The following NAALADL2 variants were observed in gnomAD, a reference collection of about 807,000 sequenced individuals.
NAALADL2 encodes inactive N-acetylated-alpha-linked acidic dipeptidase-like protein 2.
In NAALADL2, 76 loss-of-function variants were observed where a neutral mutation model predicts 87.2. The observed-to-expected ratio is 0.87, with a 90% CI of 0.72 to 1.05. The LOEUF (loss-of-function observed/expected upper bound fraction) is 1.05, where lower values mean the gene tolerates loss of function less well. Ranked by LOEUF, NAALADL2 falls within the 50% of genes least tolerant of loss-of-function variation. NAALADL2 has a pLI of 0.00. For missense variants in NAALADL2, 1,089 were observed against 945.8 expected, an observed-to-expected ratio of 1.15 and a Z score of -1.99; for synonymous variants, 354 against 331.0, an observed-to-expected ratio of 1.07 and a Z score of -0.75.
intron 1 of NAALADL2, among the ~76,000 whole-genome samples, chr3:174,940,035 A>G (rs1458202625): frequency 1.3e-5 from 2 of 152,052 alleles, no homozygotes; most frequent in Non-Finnish European, 2.9e-5. Context: ...AGGAGTCCTA[A>G]TACTATGTTG....
At chr3:174,797,305 C>CTTTTTTTTTTTTTT (rs1160338109) in intron 3 of NAALADL2, among the ~76,000 whole-genome samples, 7 of 72,720 alleles carry the variant, frequency 9.6e-5, no homozygotes, top group African/African-American at 3.5e-4. Flanking sequence ...TTTCTTTTTT[C>CTTTTTTTTTTTTTT]TTTTTTTTTT....
At chr3:175,293,814 T>C (rs1395233173) in intron 4 of NAALADL2, among the ~76,000 whole-genome samples, 1 of 152,250 alleles carries the variant, frequency 6.6e-6, no homozygotes, top group Non-Finnish European at 1.5e-5. Flanking sequence ...TAGATTGTTA[T>C]TGTTTATAAA....
At chr3:174,656,676 T>G (rs494069) in intron 2 of NAALADL2, among the ~76,000 whole-genome samples, 45,543 of 152,078 alleles carry the variant, frequency 0.3, 8,108 homozygotes, top group Middle Eastern at 0.42. Flanking sequence ...GCTAAAATTA[T>G]TATTTAAAAC....
intron 1 of NAALADL2, among the ~76,000 whole-genome samples, chr3:174,533,052 T>G (rs976587231): frequency 6.7e-6 from 1 of 148,606 alleles, no homozygotes. Flanking sequence ...TCTAGCTCAT[T>G]ACAGACACCC....
At chr3:175,013,104 A>G (rs368519433) in intron 1 of NAALADL2, among the ~76,000 whole-genome samples, 6,173 of 21,706 alleles carry the variant, frequency 0.28, 223 homozygotes, top group South Asian at 0.33. Flanking sequence ...ATAAATATAC[A>G]TATTTATATA....
At chr3:175,355,022 ATGTGTGTGTGTGTGTGTGTG>A (rs3067322) in intron 5 of NAALADL2, among the ~76,000 whole-genome samples, 3 of 139,438 alleles carry the variant, frequency 2.2e-5, no homozygotes, top group South Asian at 2.3e-4. Flanking sequence ...CTATATATAT[ATGTGTGTGTGTGTGTGTGTG>A]TGTGTGTGTG....
intron 2 of NAALADL2, among the ~76,000 whole-genome samples, chr3:175,126,111 T>C (rs760806808): frequency 3.3e-5 from 5 of 152,014 alleles, no homozygotes; most frequent in Non-Finnish European, 7.4e-5. Flanking sequence ...TGAGTGTATG[T>C]GTATGGGAGA....
chr3:174,502,343 TAC>T (rs1718951435), intron 1 of NAALADL2, among the ~76,000 whole-genome samples: 1 of 152,230 alleles, frequency 6.6e-6, no homozygotes, highest in Non-Finnish European at 1.5e-5. Context: ...ACTTCAAATT[TAC>T]ATTCGTGTGA....
At position 175,263,719 on chromosome 3, in the gene NAALADL2, AAG is replaced by A. The variant is rs541603071; in HGVS notation, c.939+7199_939+7200del. ...AATTAAACAAAGTAAAATAGCAAGG[AAG>A]AGAGAGAGAAAACAGTGATGGAGAG... On this transcript the variant is annotated intron_variant, in intron 4 of 13. Transcript: ENST00000454872. 1.4e-4 allele frequency among the ~76,000 whole-genome samples: 21 copies of A among 151,878 alleles called. No homozygotes were observed. In the South Asian group the frequency reaches 3.9e-3, roughly 28 times the overall value.
chr3:175,767,603 G>A (rs1748892605), intron 13 of NAALADL2: 1 of 152,118 alleles, frequency 6.6e-6, no homozygotes. Flanking sequence ...ATGATACAGA[G>A]ATTAGCATGG....
intron 10 of NAALADL2, among the ~76,000 whole-genome samples, chr3:175,621,151 A>C (rs1419758213): frequency 6.6e-6 from 1 of 152,190 alleles, no homozygotes; most frequent in East Asian, 1.9e-4. Flanking sequence ...TTCCGGCTTT[A>C]AACGGTCTTT....
chr3:174,784,118 T>G (rs1300988501), intron 3 of NAALADL2, among the ~76,000 whole-genome samples: 2 of 152,232 alleles, frequency 1.3e-5, no homozygotes, highest in African/African-American at 4.8e-5. Context: ...ACTGCGCATC[T>G]AATCATTTTC....
intron 1 of NAALADL2, among the ~76,000 whole-genome samples, chr3:174,522,241 G>A (rs1475502411): frequency 6.6e-6 from 1 of 152,204 alleles, no homozygotes; most frequent in Non-Finnish European, 1.5e-5. Context: ...AATGGACTGA[G>A]TGTTTTATGT....
In NAALADL2 at chr3:175,547,785, C is replaced by T. The variant is rs560606451; in HGVS notation, c.1654-28256C>T. Among the ~76,000 whole-genome samples, 4 of 146,136 alleles carry T rather than the reference C, an allele frequency of 2.7e-5. No homozygotes were observed. The South Asian group carries it at 7.0e-4, about 26-fold the overall frequency. ...CAAAAGAAGACATACATGTGACCAA[C>T]AATCATATGAAAAAAAGCTCAACAT... On this transcript the variant is annotated intron_variant, in intron 9 of 13. Coordinates refer to ENST00000454872, the MANE Select transcript of NAALADL2 (RefSeq NM_207015.3).
Position 174,624,610 on chromosome 3 carries a change from C to A in NAALADL2, c.-115+73973C>A, listed in dbSNP as rs572418527. 3.8e-5 allele frequency among the ~76,000 whole-genome samples: 5 copies of A among 130,604 alleles called. No homozygotes were observed. In the South Asian group the frequency reaches 1.4e-3, roughly 37 times the overall value. The allele number at this position is 130,604 out of a possible 152,430, so 85.7% of individuals were successfully genotyped here. A position where few individuals can be genotyped will look rare whatever the true frequency, so the allele number is the denominator to read the frequency against. On this transcript the variant is annotated intron_variant, in intron 2 of 3. Coordinates refer to the NAALADL2 transcript ENST00000434257. ...CTGCACTCCAGCCTGGGCGACAGAG[C>A]GAGACTCCATCTCAAAAAAAAAAAA...
chr3:175,467,703 T>C (rs2149281579), intron 8 of NAALADL2, among the ~76,000 whole-genome samples: 1 of 152,278 alleles, frequency 6.6e-6, no homozygotes, highest in Admixed American at 6.5e-5. Flanking sequence ...CCCTACCTTC[T>C]GTCTCCTACC....
intron 3 of NAALADL2, among the ~76,000 whole-genome samples, chr3:175,250,253 C>CTG (rs147841608): frequency 0.24 from 34,310 of 145,920 alleles, 4,381 homozygotes; most frequent in South Asian, 0.31. Context: ...CTCACTTTTT[C>CTG]TGTGTGTGTG....
chr3:175,778,748 ATAACTT>A (rs962468412), intron 13 of NAALADL2, among the ~76,000 whole-genome samples: 29 of 152,194 alleles, frequency 1.9e-4, no homozygotes, highest in African/African-American at 7.0e-4. Flanking sequence ...TCAGAGTTAA[ATAACTT>A]TAATGTGCTC....
Position 174,449,716 on chromosome 3 carries a change from G to A in NAALADL2, c.-184+8684G>A, listed in dbSNP as rs990615353. Among the ~76,000 whole-genome samples, 7 of 152,206 alleles carry A rather than the reference G, an allele frequency of 4.6e-5. No homozygotes were observed. In the South Asian group the frequency reaches 8.3e-4, roughly 18 times the overall value. On this transcript the variant is annotated intron_variant, in intron 1 of 3. Transcript: ENST00000434257. ...ATCTTCTGTCTTTTATTTTTGCTGT[G>A]CAAGCAATGCATTAAAGTCTGTTTG...
Sources: allele counts gnomAD v4.1 joint callset (sites outside exome capture counted in the v4.1 genomes callset), GRCh38; gene constraint gnomAD v4.1.1; transcripts MANE v1.5; gene names NCBI Gene and HGNC (gene_info 2026-07-23, HGNC 2026-07-21).